GAS7: variants seen among roughly 807,000 people sequenced by gnomAD.
The protein encoded by GAS7 is growth arrest specific 7.
In GAS7, 28 loss-of-function variants were observed where a neutral mutation model predicts 71.1. The ratio of observed to expected loss-of-function variants is 0.39; its 90% CI spans 0.29 to 0.54. GAS7 has a LOEUF of 0.54. GAS7 is among the 20% of genes least tolerant of loss of function. GAS7 has a pLI of 0.62. For synonymous variants in GAS7, 258 were observed against 245.8 expected, an observed-to-expected ratio of 1.05 and a Z score of -0.46; for missense variants, 436 against 627.8, an observed-to-expected ratio of 0.69 and a Z score of 3.27.
At chr17:9,943,754 TAGAG>T (rs549243137) in intron 6 of GAS7, among the ~76,000 whole-genome samples, 257 of 152,162 alleles carry the variant, frequency 1.7e-3, no homozygotes, top group Non-Finnish European at 2.9e-3. Context: ...AAGTAAATCA[TAGAG>T]AGAAAGTGGG....
In GAS7 at chr17:10,169,266, C is replaced by CA. The variant is rs59458579; in HGVS notation, c.183+28941dup. 1.7e-4 allele frequency among the ~76,000 whole-genome samples: 25 copies of CA among 145,864 alleles called. No individual in the cohort carries two copies. In the South Asian group the frequency reaches 2.0e-3, roughly 11 times the overall value. On this transcript the variant is annotated intron_variant, in intron 1 of 13. Coordinates refer to ENST00000432992, the MANE Select transcript of GAS7 (RefSeq NM_201433.2). ...GGGCAACAAGAGCAAGACTTCGACT[C>CA]AAAAAAAAAAATTAATTAATAATTT...
intron 1 of GAS7, among the ~76,000 whole-genome samples, chr17:10,052,075 C>T (rs1293376839): frequency 1.3e-5 from 2 of 152,128 alleles, no homozygotes; most frequent in Admixed American, 6.5e-5. Flanking sequence ...GTCTCCAAGA[C>T]TGGTGCTAGT....
At chr17:10,078,471 G>C (rs1282135308) in intron 1 of GAS7, among the ~76,000 whole-genome samples, 1 of 152,124 alleles carries the variant, frequency 6.6e-6, no homozygotes, top group Non-Finnish European at 1.5e-5. Context: ...AAAACCAATT[G>C]CTTTTGTTTT....
At chr17:10,133,056 C>A (rs1314913037) in intron 1 of GAS7, among the ~76,000 whole-genome samples, 1 of 151,554 alleles carries the variant, frequency 6.6e-6, no homozygotes, top group Non-Finnish European at 1.5e-5. Flanking sequence ...CTCACATATA[C>A]CCCTCCCTTC....
chr17:9,935,935 G>A (rs2068384023), intron 8 of GAS7, among the ~76,000 whole-genome samples: 1 of 152,222 alleles, frequency 6.6e-6, no homozygotes, highest in Non-Finnish European at 1.5e-5. Context: ...GGAGGTCCAG[G>A]GGTGGCAGGA....
At chr17:10,009,318 C>CAAAAAA (rs541133967) in intron 2 of GAS7, among the ~76,000 whole-genome samples, 8 of 78,576 alleles carry the variant, frequency 1.0e-4, no homozygotes, top group East Asian at 3.8e-4. Context: ...GAGACTCCGT[C>CAAAAAA]AAAAAAAAAA....
intron 1 of GAS7, among the ~76,000 whole-genome samples, chr17:10,165,551 C>T (rs1177097912): frequency 6.6e-6 from 1 of 152,218 alleles, no homozygotes; most frequent in East Asian, 1.9e-4. Context: ...GGCAGGCAAG[C>T]TTCGTCCAAT....
intron 1 of GAS7, among the ~76,000 whole-genome samples, chr17:10,022,981 T>C (rs2072328608): frequency 6.6e-6 from 1 of 152,174 alleles, no homozygotes; most frequent in African/African-American, 2.4e-5. Context: ...TGAACCTCAG[T>C]GTCCCACCCA....
At chr17:10,062,649 T>C (rs932781801) in intron 1 of GAS7, among the ~76,000 whole-genome samples, 1 of 152,242 alleles carries the variant, frequency 6.6e-6, no homozygotes, top group African/African-American at 2.4e-5. Flanking sequence ...GCACAGATCA[T>C]TTAAATATCC....
At chr17:10,166,011 C>CTTTTTT (rs11356429) in intron 1 of GAS7, among the ~76,000 whole-genome samples, 26 of 143,184 alleles carry the variant, frequency 1.8e-4, no homozygotes, top group East Asian at 4.2e-4. Flanking sequence ...TTTTCTTTTT[C>CTTTTTT]TTTTTTTTTT....
At chr17:10,117,010 C>T (rs556279717) in intron 1 of GAS7, among the ~76,000 whole-genome samples, 14 of 152,220 alleles carry the variant, frequency 9.2e-5, no homozygotes, top group African/African-American at 2.6e-4. Flanking sequence ...CATACACTAA[C>T]GGGCTTCAAA....
At chr17:10,089,959 G>A (rs1013385129) in intron 1 of GAS7, among the ~76,000 whole-genome samples, 1 of 152,102 alleles carries the variant, frequency 6.6e-6, no homozygotes, top group African/African-American at 2.4e-5. Context: ...CTTGAGGCCG[G>A]GAGTTCGAGA....
chr17:10,138,641 C>T (rs1009384021), intron 1 of GAS7, among the ~76,000 whole-genome samples: 1 of 152,060 alleles, frequency 6.6e-6, no homozygotes, highest in Non-Finnish European at 1.5e-5. Flanking sequence ...GTGGTGCACA[C>T]CTGTAATCCC....
chr17:10,159,545 C>A (rs921295512), intron 1 of GAS7, among the ~76,000 whole-genome samples: 2 of 151,908 alleles, frequency 1.3e-5, no homozygotes, highest in African/African-American at 4.8e-5. Context: ...CAGATGCACC[C>A]CCCCCAACCT....
intron 1 of GAS7, among the ~76,000 whole-genome samples, chr17:10,087,913 C>T (rs1008244812): frequency 1.3e-5 from 2 of 152,122 alleles, no homozygotes; most frequent in South Asian, 2.1e-4. Context: ...CCCCCATCCT[C>T]GCTCCAGCCA....
In GAS7 at chr17:10,030,409, C is replaced by T. The variant is rs140715903; in HGVS notation, c.184-10512G>A. 2.1e-4 allele frequency among the ~76,000 whole-genome samples: 32 copies of T among 152,296 alleles called. No homozygotes were observed. In the East Asian group the frequency reaches 5.6e-3, roughly 27 times the overall value. ...GGGCCAAAATACAGAGAAGAGCATG[C>T]GGCTAATTTCGGGCCTGGGCCTGAG... On this transcript the variant is annotated intron_variant, in intron 1 of 13. Coordinates refer to ENST00000432992, the MANE Select transcript of GAS7 (RefSeq NM_201433.2).
At chr17:10,126,184 C>A (rs890613641) in intron 1 of GAS7, among the ~76,000 whole-genome samples, 1 of 152,174 alleles carries the variant, frequency 6.6e-6, no homozygotes, top group Non-Finnish European at 1.5e-5. Flanking sequence ...ATGGGGGAGT[C>A]GCTTCTCAGA....
At chr17:10,005,502 TA>T (rs60669867) in intron 2 of GAS7, among the ~76,000 whole-genome samples, 1 of 151,282 alleles carries the variant, frequency 6.6e-6, no homozygotes, top group Non-Finnish European at 1.5e-5. Context: ...AGTTGAGTAT[TA>T]AAAAAAATGG....
intron 1 of GAS7, among the ~76,000 whole-genome samples, chr17:10,169,702 T>A (rs1306552439): frequency 1.3e-5 from 2 of 152,084 alleles, no homozygotes; most frequent in African/African-American, 4.8e-5. Context: ...CCAGGCCCCA[T>A]CCCCAGACCT....
Sources: gnomAD v4.1 joint callset for allele counts (sites outside exome capture counted in the v4.1 genomes callset) on GRCh38, gnomAD v4.1.1 for gene constraint, MANE v1.5 for transcripts, NCBI Gene and HGNC (gene_info 2026-07-23, HGNC 2026-07-21) for gene names.